Variants in SEMA5A observed in about 807,000 individuals in gnomAD.
SEMA5A encodes the protein semaphorin 5A.
A neutral mutation model predicts 135.5 loss-of-function variants in SEMA5A; 55 were observed. The ratio of observed to expected loss-of-function variants is 0.41; its 90% CI spans 0.33 to 0.51. SEMA5A has a LOEUF of 0.51. SEMA5A is among the 20% of genes least tolerant of loss of function. SEMA5A has a pLI of 0.37. For synonymous variants in SEMA5A, 580 were observed against 546.5 expected (o/e 1.06, Z -0.85); for missense variants, 1,290 against 1,419.9 (o/e 0.91, Z 1.47).
At chr5:9,457,025 G>A (rs1758863836) in intron 1 of SEMA5A, among the ~76,000 whole-genome samples, 1 of 152,090 alleles carries the variant, frequency 6.6e-6, no homozygotes, top group Non-Finnish European at 1.5e-5. Context: ...TTTTCATACT[G>A]TTATACCCCC....
intron 3 of SEMA5A, among the ~76,000 whole-genome samples, chr5:9,358,168 T>A (rs558757918): frequency 6.6e-6 from 1 of 152,292 alleles, no homozygotes; most frequent in Admixed American, 6.5e-5. Context: ...TGTCCACCTA[T>A]GCCAAGTCTG....
rs868370268 is a variant in SEMA5A at position 9,319,118 on chromosome 5, G to C, written c.225-701C>G. 1.3e-4 allele frequency among the ~76,000 whole-genome samples: 20 copies of C among 152,226 alleles called. No homozygotes were observed. The South Asian group carries it at 2.1e-3, about 16-fold the overall frequency. ...ACTCAGGAGGCTGAGGCAGGAGGAT[G>C]CTTTGGTCCTGGGAGGTGGAGGTTG... On this transcript the variant is annotated intron_variant, in intron 4 of 22. Transcript: ENST00000382496.
intron 1 of SEMA5A, among the ~76,000 whole-genome samples, chr5:9,499,135 G>A (rs1259182658): frequency 1.3e-5 from 2 of 152,218 alleles, no homozygotes; most frequent in Non-Finnish European, 2.9e-5. Flanking sequence ...CAAGGGAGAT[G>A]AGAGAAGAGA....
At chr5:9,127,459 C>T (rs1385043687) in intron 13 of SEMA5A, among the ~76,000 whole-genome samples, 1 of 152,190 alleles carries the variant, frequency 6.6e-6, no homozygotes, top group Non-Finnish European at 1.5e-5. Context: ...TTCCCTATGG[C>T]TCATAAGCCC....
chr5:9,416,928 G>GA (rs1461732591), intron 2 of SEMA5A, among the ~76,000 whole-genome samples: 1 of 152,050 alleles, frequency 6.6e-6, no homozygotes, highest in African/African-American at 2.4e-5. Flanking sequence ...GCTTTACACT[G>GA]AAAAAAAGAG....
chr5:9,081,509 A>G (rs1220618743), intron 16 of SEMA5A, among the ~76,000 whole-genome samples: 1 of 151,798 alleles, frequency 6.6e-6, no homozygotes, highest in Admixed American at 6.6e-5. Context: ...GAATTTTCCA[A>G]ATGGAAGACT....
chr5:9,042,901 T>C lies in SEMA5A; in HGVS notation c.3221A>G (p.Tyr1074Cys). Reference sequence around the variant, plus strand: ...AAGCCAAAAACATGAAAGCTGTTAGTACTCATCATAATTATTGAGATCTGT... The same window carrying C: ...AAGCCAAAAACATGAAAGCTGTTAGCACTCATCATAATTATTGAGATCTGT... ...YFTDLNNYDE[Y>C] Residue 1074 changes from tyrosine (Y) to cysteine (C), a missense_variant, in exon 23 of 23, where the codon TAC becomes TGC. Physicochemically the swap from Tyr to Cys is radical, Grantham distance 194 (BLOSUM62 -2). This residue lies in a region of SEMA5A where 1,029 missense variants were observed against 1,086.6 expected (regional missense o/e 0.95). Coordinates refer to ENST00000382496, the MANE Select transcript of SEMA5A (RefSeq NM_003966.3). The C allele has an allele frequency of 6.2e-7, 1 of 1,614,044 alleles. No individual in the cohort carries two copies. The highest frequency in any genetic ancestry group is 8.5e-7 in the Non-Finnish European group (1 of 1,179,948).
At chr5:9,115,400 G>A (rs1740458400) in intron 15 of SEMA5A, among the ~76,000 whole-genome samples, 1 of 152,202 alleles carries the variant, frequency 6.6e-6, no homozygotes, top group African/African-American at 2.4e-5. Context: ...CACTTGCTCA[G>A]CTAGATTTCA....
intron 6 of SEMA5A, among the ~76,000 whole-genome samples, chr5:9,237,537 T>C (rs1747975471): frequency 6.6e-6 from 1 of 152,156 alleles, no homozygotes; most frequent in Admixed American, 6.6e-5. Flanking sequence ...AGGCCCATAT[T>C]TTTTCCAGCG....
intron 2 of SEMA5A, among the ~76,000 whole-genome samples, chr5:9,389,880 CCTGTGTAT>C (rs1379918255): frequency 1.3e-5 from 2 of 152,194 alleles, no homozygotes; most frequent in Non-Finnish European, 2.9e-5. Flanking sequence ...ACTACAATTA[CCTGTGTAT>C]CTGCCTCCTT....
At chr5:9,106,311 T>C (rs1288631010) in intron 16 of SEMA5A, among the ~76,000 whole-genome samples, 3 of 152,234 alleles carry the variant, frequency 2.0e-5, no homozygotes, top group African/African-American at 7.2e-5. Flanking sequence ...AATAAATACA[T>C]TGATATTTTA....
At chr5:9,377,531 C>T (rs184907926) in intron 3 of SEMA5A, among the ~76,000 whole-genome samples, 59 of 150,512 alleles carry the variant, frequency 3.9e-4, no homozygotes, top group Admixed American at 9.9e-4. Flanking sequence ...GAAATATATA[C>T]GCGAGGACAA....
chr5:9,382,197 G>A (rs1755649947), intron 2 of SEMA5A, among the ~76,000 whole-genome samples: 1 of 152,124 alleles, frequency 6.6e-6, no homozygotes, highest in South Asian at 2.1e-4. Flanking sequence ...CTACTTGGGT[G>A]GCTGAAGCAG....
intron 10 of SEMA5A, among the ~76,000 whole-genome samples, chr5:9,195,860 T>C (rs1293534536): frequency 6.6e-6 from 1 of 152,262 alleles, no homozygotes; most frequent in Non-Finnish European, 1.5e-5. Flanking sequence ...CAGGACCCAC[T>C]TCTACCACTG....
intron 1 of SEMA5A, among the ~76,000 whole-genome samples, chr5:9,468,306 T>C (rs1221055998): frequency 1.3e-5 from 2 of 152,206 alleles, no homozygotes; most frequent in East Asian, 3.9e-4. Flanking sequence ...CCTTCATTAC[T>C]GGAACGTCTA....
At chr5:9,138,045 T>A (rs1041937269) in intron 12 of SEMA5A, among the ~76,000 whole-genome samples, 1 of 152,230 alleles carries the variant, frequency 6.6e-6, no homozygotes, top group Admixed American at 6.5e-5. Flanking sequence ...TAAGTTATTA[T>A]ACAATTGTCA....
chr5:9,436,857 A>G (rs1266889226), intron 2 of SEMA5A, among the ~76,000 whole-genome samples: 1 of 152,164 alleles, frequency 6.6e-6, no homozygotes, highest in Non-Finnish European at 1.5e-5. Flanking sequence ...CTAGGTCTAA[A>G]GTGCTTCAGA....
chr5:9,122,861 G>T, intron 13 of SEMA5A, 24 bp from the exon 14 acceptor site: 1 of 1,567,960 alleles, frequency 6.4e-7, no homozygotes, highest in Non-Finnish European at 8.7e-7. Flanking sequence ...CCAAGCAGAG[G>T]TGTCAGAAAA....
chr5:9,255,660 T>C (rs747385890), intron 5 of SEMA5A, among the ~76,000 whole-genome samples: 4 of 152,198 alleles, frequency 2.6e-5, no homozygotes, highest in Non-Finnish European at 5.9e-5. Flanking sequence ...TTTCCTCCAA[T>C]GGTGGCATGG....
Sources: allele counts gnomAD v4.1 joint callset (sites outside exome capture counted in the v4.1 genomes callset), GRCh38; gene constraint gnomAD v4.1.1; regional missense constraint gnomAD v4.1.1; transcripts MANE v1.5; gene names NCBI Gene and HGNC (gene_info 2026-07-23, HGNC 2026-07-21).